The following FN3KRP variants were observed in gnomAD, a reference collection of about 807,000 sequenced individuals.
FN3KRP encodes fructosamine 3 kinase related protein, also known as ketosamine-3-kinase.
Under a neutral mutation model 29.8 loss-of-function variants are expected in FN3KRP, and 33 were observed. The observed-to-expected ratio is 1.11, with a 90% CI of 0.84 to 1.48. The LOEUF is 1.48. FN3KRP is among the 40% of genes most tolerant of loss of function. The probability of loss-of-function intolerance (pLI) is 0.00; values close to 1 mark genes in which losing one functional copy is unlikely to be tolerated. For synonymous variants in FN3KRP, 157 were observed against 155.2 expected (o/e 1.01, Z -0.09); for missense variants, 430 against 402.6 (o/e 1.07, Z -0.58).
At chr17:82,723,621 A>ATGTGTATGTGTGCACACGTG (rs1252488229) in intron 4 of FN3KRP, among the ~76,000 whole-genome samples, 1 of 151,146 alleles carries the variant, frequency 6.6e-6, no homozygotes, top group Non-Finnish European at 1.5e-5. Flanking sequence ...ATGTGTGCAT[A>ATGTGTATGTGTGCACACGTG]TGTGTATGTG....
Position 82,726,481 on chromosome 17 carries a change from TG to T in FN3KRP, c.471del (p.Asn158MetfsTer41). 6.2e-7 allele frequency: 1 copy of T among 1,613,544 alleles called. No individual in the cohort carries two copies. The part of the protein sequence containing the change: ...VVTCCGYLPQ[V>X]NDWQEDWVVF... ...TGTGCTTTTGCTGTTACTGTGCAGG[TG>T]AATGACTGGCAGGAGGACTGGGTCG... On this transcript the variant is annotated frameshift_variant and splice_region_variant, in exon 5 of 6. Transcript: ENST00000269373. LOFTEE classifies it high-confidence loss of function.
chr17:82,718,143 GTGTTGTGTGTGTGTTGTGTGTCTGTATA>G (rs2046772220), intron 1 of FN3KRP, among the ~76,000 whole-genome samples: 3 of 146,380 alleles, frequency 2.0e-5, no homozygotes, highest in Non-Finnish European at 4.5e-5. Flanking sequence ...GTGTCTGTAT[GTGTTGTGTGTGTGTTGTGTGTCTGTATA>G]TGTTGTGTGT....
chr17:82,722,824 G>A lies in FN3KRP; in HGVS notation c.406G>A (p.Glu136Lys), dbSNP rs2046807602. The change falls in exon 4 of 6, where the codon GAA (glutamate) becomes AAA (lysine). Residue 136 changes from glutamate to lysine, a missense_variant. Glu to Lys is a moderately conservative substitution (Grantham distance 56). Transcript: ENST00000269373. ...GTVGRGGGQEERPFVARFGFD... is the reference protein window; with the variant it reads ...GTVGRGGGQEKRPFVARFGFD... ...GCAAGGGAGAGGAGGTGGGCAGGAGGAACGGCCCTTTGTGGCCCGGTTTGG... is the reference window on the plus strand; with the variant it reads ...GCAAGGGAGAGGAGGTGGGCAGGAGAAACGGCCCTTTGTGGCCCGGTTTGG... 2 of 1,613,934 alleles carry A rather than the reference G, an allele frequency of 1.2e-6. No individual in the cohort carries two copies. Among genetic ancestry groups the A allele is most frequent in the Admixed American group, 1.7e-5 (1 of 59,998 alleles).
intron 3 of FN3KRP, among the ~76,000 whole-genome samples, chr17:82,721,326 G>A (rs913961330): frequency 1.3e-5 from 2 of 151,986 alleles, no homozygotes; most frequent in East Asian, 3.9e-4. Context: ...GACCTCAGGT[G>A]ATCCACCCAC....
At chr17:82,722,730 A>G in intron 3 of FN3KRP, 74 bp from the exon 4 acceptor site, 1 of 1,455,250 alleles carries the variant, frequency 6.9e-7, no homozygotes, top group Non-Finnish European at 9.6e-7. Flanking sequence ...TCGTGTCTGA[A>G]GGTGACTCAG....
chr17:82,718,980 G>A lies in FN3KRP; in HGVS notation c.216G>A (p.Lys72=). 1 of 1,614,198 alleles carries A rather than the reference G, an allele frequency of 6.2e-7. No individual in the cohort carries two copies. Among genetic ancestry groups the A allele is most frequent in the South Asian group, 1.1e-5 (1 of 91,080 alleles). The stretch of plus-strand genomic sequence containing the variant: ...AAACAAACACGGTGAAAGTGCCCAA[G>A]CCCATCAAGGTTCTGGATGCCCCAG... ...ILKTNTVKVP[K]PIKVLDAPGG... The change falls in exon 2 of 6, where the codon AAG becomes AAA. Residue 72 remains lysine (K), a synonymous_variant. Transcript: ENST00000269373.
intron 4 of FN3KRP, among the ~76,000 whole-genome samples, chr17:82,724,377 G>A (rs558239662): frequency 9.2e-5 from 14 of 152,148 alleles, no homozygotes; most frequent in East Asian, 1.9e-4. Flanking sequence ...AGGCCGAGGC[G>A]GGCAGATCAC....
chr17:82,722,647 T>A (rs1598334155), intron 3 of FN3KRP, 157 bp from the exon 4 acceptor site: 1 of 615,798 alleles, frequency 1.6e-6, no homozygotes, highest in African/African-American at 1.8e-5. Context: ...GTTAGGGGTG[T>A]TGTGTGAGCT....
In FN3KRP at chr17:82,717,264, C is replaced by T. The variant is rs533332464; in HGVS notation, c.141+368C>T. Among the ~76,000 whole-genome samples the T allele has an allele frequency of 2.0e-5, 3 of 152,252 alleles. No individual in the cohort carries two copies. In the South Asian group the frequency reaches 6.2e-4, roughly 32 times the overall value. On this transcript the variant is annotated intron_variant, in intron 1 of 5. Coordinates refer to ENST00000269373, the MANE Select transcript of FN3KRP (RefSeq NM_024619.4). ...CCCTGCGGTGCTGGTTAAGTGGGGT[C>T]GTTCTAGCCGGGGAAGCTGCTTAAG...
Position 82,716,905 on chromosome 17 carries a change from G to T in FN3KRP, c.141+9G>T, listed in dbSNP as rs777537652. 10 of 1,564,632 alleles carry T rather than the reference G, an allele frequency of 6.4e-6. No homozygotes were observed. The East Asian group carries it at 2.3e-4, about 37-fold the overall frequency. ...TGAACCCCAAGGCGGAGGTCAGGCA[G>T]CGGGTCGGGCGGGCCGGGGGACCGG... On this transcript the variant is annotated intron_variant, in intron 1 of 5. Transcript: ENST00000269373.
intron 1 of FN3KRP, chr17:82,718,503 G>T (rs903377883): frequency 8.0e-6 from 8 of 994,058 alleles, no homozygotes; most frequent in Non-Finnish European, 4.8e-6. Context: ...CACCTGAGAG[G>T]TCGGGTGAGT....
chr17:82,716,893 G>T lies in FN3KRP; in HGVS notation c.138G>T (p.Ala46=), dbSNP rs1225583214. 2 of 1,566,564 alleles carry T rather than the reference G, an allele frequency of 1.3e-6. No individual in the cohort carries two copies. Among genetic ancestry groups the T allele is most frequent in the South Asian group, 2.3e-5 (2 of 86,002 alleles). ...GRVFVKVNPK[A]EARRMFEGEM... The stretch of plus-strand genomic sequence containing the variant: ...TGTTCGTGAAAGTGAACCCCAAGGC[G>T]GAGGTCAGGCAGCGGGTCGGGCGGG... The change falls in exon 1 of 6, where the codon GCG becomes GCT. Residue 46 remains alanine, a synonymous_variant. Coordinates refer to ENST00000269373, the MANE Select transcript of FN3KRP (RefSeq NM_024619.4).
chr17:82,723,441 C>T (rs1437349003), intron 4 of FN3KRP, among the ~76,000 whole-genome samples: 19 of 149,262 alleles, frequency 1.3e-4, no homozygotes, highest in Admixed American at 8.0e-4. Flanking sequence ...TGCCTGCTGG[C>T]GGGGGGTGGG....
chr17:82,724,620 A>G (rs967825470), intron 4 of FN3KRP, among the ~76,000 whole-genome samples: 2 of 151,990 alleles, frequency 1.3e-5, no homozygotes, highest in South Asian at 2.1e-4. Context: ...AGAAAAAAAA[A>G]AAGTAAAAAG....
chr17:82,718,969 A>C lies in FN3KRP; in HGVS notation c.205A>C (p.Lys69Gln). 1 of 1,614,226 alleles carries C rather than the reference A, an allele frequency of 6.2e-7. No homozygotes were observed. Among genetic ancestry groups the C allele is most frequent in the Non-Finnish European group, 8.5e-7 (1 of 1,180,030 alleles). The change falls in exon 2 of 6, where the codon AAA becomes CAA. Residue 69 changes from lysine to glutamine, a missense_variant. By Grantham distance (53) the Lys-to-Gln change is moderately conservative. Transcript: ENST00000269373. ...TGCCATCCTGAAAACAAACACGGTG[A>C]AAGTGCCCAAGCCCATCAAGGTTCT... ...LTAILKTNTV[K>Q]VPKPIKVLDA... is the part of the protein sequence containing the mutation.
chr17:82,719,219 G>A (rs537115157), intron 2 of FN3KRP, among the ~76,000 whole-genome samples, 162 bp downstream of exon 2: 44 of 152,066 alleles, frequency 2.9e-4, no homozygotes, highest in African/African-American at 9.6e-4. Flanking sequence ...GCCCCGCCCC[G>A]GCTGGCTTTG....
rs778375179 is a variant in FN3KRP, at chr17:82,722,856, C to CGTGGT, written c.440_444dup (p.Thr149TrpfsTer2). On this transcript the variant is annotated frameshift_variant, in exon 4 of 6. Coordinates refer to ENST00000269373, the MANE Select transcript of FN3KRP (RefSeq NM_024619.4). LOFTEE classifies it high-confidence loss of function. Reference sequence around the variant, plus strand: ...CCTTTGTGGCCCGGTTTGGATTTGACGTGGTGACGTGCTGTGGATACCTCC... The same window carrying CGTGGT: ...CCTTTGTGGCCCGGTTTGGATTTGACGTGGTGTGGTGACGTGCTGTGGATACCTCC... 11 of 1,614,046 alleles carry CGTGGT rather than the reference C, an allele frequency of 6.8e-6. No homozygotes were observed. The African/African-American group carries it at 1.3e-4, about 20-fold the overall frequency.
At chr17:82,725,789 CTA>C (rs1323350230) in intron 4 of FN3KRP, among the ~76,000 whole-genome samples, 10 of 152,346 alleles carry the variant, frequency 6.6e-5, no homozygotes, top group African/African-American at 2.4e-4. Flanking sequence ...ACTCTTGGTA[CTA>C]TGACAAGGAA....
chr17:82,727,210 C>T lies in FN3KRP; in HGVS notation c.*39C>T. On this transcript the variant is annotated 3_prime_UTR_variant, in exon 6 of 6. Coordinates refer to ENST00000269373, the MANE Select transcript of FN3KRP (RefSeq NM_024619.4). Reference sequence around the variant, plus strand: ...TGGAAGGAGGCCTCAGAGGTTTCTCCACAGTCCTCTTCTGGGCAAATTCTT... The same window carrying T: ...TGGAAGGAGGCCTCAGAGGTTTCTCTACAGTCCTCTTCTGGGCAAATTCTT... The T allele has an allele frequency of 6.4e-7, 1 of 1,572,476 alleles. No homozygotes were observed. Among genetic ancestry groups the T allele is most frequent in the African/African-American group, 1.4e-5 (1 of 73,584 alleles).
Sources: gnomAD v4.1 joint callset for allele counts (sites outside exome capture counted in the v4.1 genomes callset) on GRCh38, gnomAD v4.1.1 for gene constraint, MANE v1.5 for transcripts, NCBI Gene and HGNC (gene_info 2026-07-23, HGNC 2026-07-21) for gene names.